NEO1: variants seen among roughly 807,000 people sequenced by gnomAD.
NEO1 encodes neogenin 1.
NEO1 carries 63 observed loss-of-function variants against 159.7 expected under a neutral mutation model. The observed-to-expected ratio is 0.39, with a 90% CI of 0.32 to 0.49. The LOEUF is 0.49. Ranked by LOEUF, NEO1 falls within the 20% of genes least tolerant of loss-of-function variation. The probability of loss-of-function intolerance (pLI) is 0.85; values close to 1 mark genes in which losing one functional copy is unlikely to be tolerated. For synonymous variants in NEO1, 633 were observed against 662.0 expected (o/e 0.96, Z 0.67); for missense variants, 1,615 against 1,831.0 (o/e 0.88, Z 2.15).
chr15:73,161,163 A>G (rs1445650649), intron 5 of NEO1, among the ~76,000 whole-genome samples: 1 of 152,164 alleles, frequency 6.6e-6, no homozygotes, highest in Non-Finnish European at 1.5e-5. Flanking sequence ...TTTGTGTCAT[A>G]CTTAGTCCTC....
chr15:73,073,144 T>G (rs2068615709), intron 1 of NEO1, among the ~76,000 whole-genome samples: 1 of 152,066 alleles, frequency 6.6e-6, no homozygotes, highest in African/African-American at 2.4e-5. Context: ...GAAAGATGGG[T>G]TATTATAAGA....
At chr15:73,253,505 G>C in intron 12 of NEO1, 56 bp downstream of exon 12, 1 of 1,213,158 alleles carries the variant, frequency 8.2e-7, no homozygotes, top group Non-Finnish European at 1.2e-6. Flanking sequence ...GCGCCTCAGA[G>C]GGGCTTATAG....
intron 1 of NEO1, 141 bp from the exon 2 acceptor site, chr15:73,116,399 A>G (rs2071319752): frequency 1.6e-6 from 1 of 620,908 alleles, no homozygotes. Flanking sequence ...TTTATTAGAC[A>G]TTTGTAGTGA....
intron 19 of NEO1, 131 bp from the exon 20 acceptor site, chr15:73,273,680 G>A: frequency 1.5e-6 from 1 of 665,626 alleles, no homozygotes; most frequent in Non-Finnish European, 2.4e-6. Context: ...TTTAATTGTA[G>A]ACCCTTGAGG....
At chr15:73,268,923 C>G (rs1340297036) in intron 16 of NEO1, among the ~76,000 whole-genome samples, 2 of 152,170 alleles carry the variant, frequency 1.3e-5, no homozygotes, top group South Asian at 2.1e-4. Flanking sequence ...TTACTTGGAA[C>G]TGTGATAACC....
At position 73,200,347 on chromosome 15, in the gene NEO1, G is replaced by A. The variant is rs1366764014; in HGVS notation, c.1291+21920G>A. Among the ~76,000 whole-genome samples the A allele has an allele frequency of 4.6e-5, 7 of 152,028 alleles. No individual in the cohort carries two copies. In the East Asian group the frequency reaches 7.7e-4, roughly 17 times the overall value. On this transcript the variant is annotated intron_variant, in intron 7 of 28. Coordinates refer to ENST00000261908, the MANE Select transcript of NEO1 (RefSeq NM_002499.4). ...TATAATCACAGCACTTTGGGAGGCCGAGGTGGGCAGATCACCTGAGCTTAG... is the reference window on the plus strand; with the variant it reads ...TATAATCACAGCACTTTGGGAGGCCAAGGTGGGCAGATCACCTGAGCTTAG...
chr15:73,208,054 G>T (rs763234968), intron 7 of NEO1, among the ~76,000 whole-genome samples: 1 of 152,160 alleles, frequency 6.6e-6, no homozygotes, highest in Non-Finnish European at 1.5e-5. Context: ...TAAACATTTT[G>T]ATTTTTCCTT....
In NEO1 at chr15:73,273,855, G is replaced by T; in HGVS notation, c.3010G>T (p.Asp1004Tyr). 6.2e-7 allele frequency: 1 copy of T among 1,614,086 alleles called. No individual in the cohort carries two copies. The highest frequency in any genetic ancestry group is 8.5e-7 in the Non-Finnish European group (1 of 1,179,986). ...TACAGATGTGAATGCAGAGATACAT[G>T]ACTGGGTTATTGAGCCTGTTGTGGG... ...YSTDVNAEIH[D>Y]WVIEPVVGNR... Residue 1004 changes from aspartate (D) to tyrosine (Y), a missense_variant, in exon 20 of 29, where the codon GAC becomes TAC. By Grantham distance (160) the Asp-to-Tyr change is radical (BLOSUM62 -3). This residue lies in a region of NEO1 where 126 missense variants were observed against 216.7 expected (regional missense o/e 0.58). Transcript: ENST00000261908.
chr15:73,162,314 C>A, intron 5 of NEO1: 1 of 211,942 alleles, frequency 4.7e-6, no homozygotes, highest in Non-Finnish European at 1.0e-5. Flanking sequence ...ATTTCAAAGA[C>A]CCCAAGGGAA....
chr15:73,230,911 A>T (rs1030923592), intron 7 of NEO1, among the ~76,000 whole-genome samples: 19 of 152,088 alleles, frequency 1.2e-4, no homozygotes, highest in African/African-American at 3.4e-4. Context: ...AAATTTTTTT[A>T]AATTTTTCTT....
chr15:73,069,983 G>A (rs1277224559), intron 1 of NEO1, among the ~76,000 whole-genome samples: 1 of 152,134 alleles, frequency 6.6e-6, no homozygotes, highest in African/African-American at 2.4e-5. Flanking sequence ...GAAAAAGCAG[G>A]CAACTGTGGC....
chr15:73,085,105 A>G (rs1595937115), intron 1 of NEO1, among the ~76,000 whole-genome samples: 1 of 144,504 alleles, frequency 6.9e-6, no homozygotes, highest in East Asian at 2.0e-4. Flanking sequence ...GTTTTTTTTT[A>G]AACTACAGAG....
At chr15:73,130,332 T>C (rs962065918) in intron 4 of NEO1, among the ~76,000 whole-genome samples, 3 of 145,868 alleles carry the variant, frequency 2.1e-5, no homozygotes, top group African/African-American at 7.4e-5. Flanking sequence ...ATAAGACCCT[T>C]TCAGGAACCT....
At chr15:73,071,518 TTTTG>T (rs933975415) in intron 1 of NEO1, among the ~76,000 whole-genome samples, 18 of 152,016 alleles carry the variant, frequency 1.2e-4, no homozygotes, top group East Asian at 9.7e-4. Context: ...CTTAGATGTT[TTTTG>T]TTTGTTTGTT....
At chr15:73,269,793 T>C (rs962007271) in intron 16 of NEO1, among the ~76,000 whole-genome samples, 12 of 152,232 alleles carry the variant, frequency 7.9e-5, no homozygotes, top group Non-Finnish European at 1.6e-4. Flanking sequence ...TATAGTTTAT[T>C]ACTGCTTCTC....
At chr15:73,140,153 A>T (rs1328547219) in intron 5 of NEO1, among the ~76,000 whole-genome samples, 1 of 152,270 alleles carries the variant, frequency 6.6e-6, no homozygotes, top group Non-Finnish European at 1.5e-5. Context: ...AAGCTCAACA[A>T]ATACCAGACA....
At chr15:73,261,694 C>T (rs1237157507) in intron 15 of NEO1, among the ~76,000 whole-genome samples, 1 of 152,130 alleles carries the variant, frequency 6.6e-6, no homozygotes, top group Non-Finnish European at 1.5e-5. Flanking sequence ...ACCATGTTCA[C>T]TGGTTGGAAG....
chr15:73,302,174 C>G (rs1217461574), intron 28 of NEO1, among the ~76,000 whole-genome samples: 1 of 152,198 alleles, frequency 6.6e-6, no homozygotes. Context: ...AGTGGTTGTT[C>G]TCGAAACAAA....
At chr15:73,105,277 T>C (rs2070627482) in intron 1 of NEO1, among the ~76,000 whole-genome samples, 1 of 152,204 alleles carries the variant, frequency 6.6e-6, no homozygotes, top group East Asian at 1.9e-4. Flanking sequence ...GGAATTACTT[T>C]TCTGCGAATG....
Sources: allele counts gnomAD v4.1 joint callset (sites outside exome capture counted in the v4.1 genomes callset), GRCh38; gene constraint gnomAD v4.1.1; regional missense constraint gnomAD v4.1.1; transcripts MANE v1.5; gene names NCBI Gene and HGNC (gene_info 2026-07-23, HGNC 2026-07-21).